Variants in DPP6 observed in about 807,000 individuals in gnomAD.
DPP6 encodes the protein dipeptidyl peptidase like 6.
Under a neutral mutation model 122.6 loss-of-function variants are expected in DPP6, and 69 were observed. That is an observed-to-expected ratio of 0.56 (90% CI 0.46 to 0.69). The LOEUF (loss-of-function observed/expected upper bound fraction) is 0.69. Among genes scored for constraint, DPP6 ranks in the 30% least tolerant of loss-of-function variants. The probability of loss-of-function intolerance (pLI) is 0.00; values close to 1 mark genes in which losing one functional copy is unlikely to be tolerated. For missense variants in DPP6, 928 were observed against 1,116.9 expected (o/e 0.83, Z 2.41); for synonymous variants, 418 against 433.1 (o/e 0.97, Z 0.43).
At chr7:154,223,030 C>T (rs924882411) in intron 1 of DPP6, among the ~76,000 whole-genome samples, 2 of 149,130 alleles carry the variant, frequency 1.3e-5, no homozygotes, top group Admixed American at 6.6e-5. Flanking sequence ...GGCTGTGGAA[C>T]CTGCATTGAA....
At chr7:154,382,469 T>C (rs1193741788) in intron 1 of DPP6, among the ~76,000 whole-genome samples, 1 of 152,268 alleles carries the variant, frequency 6.6e-6, no homozygotes, top group Non-Finnish European at 1.5e-5. Flanking sequence ...GCCTGGGAGA[T>C]ACGCCTATTC....
chr7:154,010,739 A>G lies in DPP6; in HGVS notation c.51+123005A>G, dbSNP rs115038701. ...ACTTGGGGAAATTTAGACTGAGATT[A>G]TTGAAGTGGCCTAGAGTTTGGAAAT... is the stretch of plus-strand genomic sequence containing the variant. On this transcript the variant is annotated intron_variant, in intron 1 of 25. Coordinates refer to the DPP6 transcript ENST00000404039. 4.8e-3 allele frequency among the ~76,000 whole-genome samples: 738 copies of G among 152,338 alleles called. 4 individuals are homozygous for G. The highest frequency in any genetic ancestry group is 0.017 in the African/African-American group (717 of 41,584).
At chr7:153,918,290 T>A (rs1563005179) in intron 1 of DPP6, among the ~76,000 whole-genome samples, 1 of 152,214 alleles carries the variant, frequency 6.6e-6, no homozygotes, top group Non-Finnish European at 1.5e-5. Flanking sequence ...AGATTTCTTA[T>A]TCATTCCTTA....
chr7:154,066,122 C>A (rs1802709234), intron 1 of DPP6, among the ~76,000 whole-genome samples: 1 of 146,178 alleles, frequency 6.8e-6, no homozygotes, highest in Non-Finnish European at 1.5e-5. Flanking sequence ...TGCAGTGATA[C>A]AAACTCAGCT....
intron 1 of DPP6, among the ~76,000 whole-genome samples, chr7:154,076,161 A>G (rs997477841): frequency 3.3e-5 from 5 of 152,042 alleles, no homozygotes; most frequent in Non-Finnish European, 7.4e-5. Context: ...TTTTTTTTTA[A>G]AAAAAAGGCT....
At chr7:154,642,630 A>C (rs888260827) in intron 6 of DPP6, among the ~76,000 whole-genome samples, 1 of 149,202 alleles carries the variant, frequency 6.7e-6, no homozygotes, top group African/African-American at 2.5e-5. Flanking sequence ...CCCACCTCAT[A>C]GGCTTGTTAG....
intron 7 of DPP6, among the ~76,000 whole-genome samples, chr7:154,688,697 A>G (rs1222070846): frequency 6.6e-6 from 1 of 152,070 alleles, no homozygotes; most frequent in South Asian, 2.1e-4. Flanking sequence ...GGTTTGGCCC[A>G]TCTCTCTTTT....
intron 1 of DPP6, among the ~76,000 whole-genome samples, chr7:153,997,126 A>G (rs1199385304): frequency 6.6e-6 from 1 of 152,058 alleles, no homozygotes; most frequent in Non-Finnish European, 1.5e-5. Flanking sequence ...TGCAACCACC[A>G]TGGCAATGAA....
At chr7:154,477,020 G>A (rs56023097) in intron 3 of DPP6, among the ~76,000 whole-genome samples, 55,986 of 151,714 alleles carry the variant, frequency 0.37, 10,982 homozygotes, top group African/African-American at 0.48. Flanking sequence ...TCCAGGCTGC[G>A]GTTAACTGTA....
Position 154,531,647 on chromosome 7 carries a change from T to C in DPP6, c.458-8885T>C, listed in dbSNP as rs144522805. On this transcript the variant is annotated intron_variant, in intron 3 of 25. Coordinates refer to ENST00000377770, the MANE Select transcript of DPP6 (RefSeq NM_130797.4). ...TAAATGCAAAAGACATTTTTTTCTT[T>C]TTGACTTTTTAATTTTAATTTCTTT... is the stretch of plus-strand genomic sequence containing the variant. Among the ~76,000 whole-genome samples the C allele has an allele frequency of 3.9e-3, 595 of 152,278 alleles. 19 individuals are homozygous for C. In the East Asian group the frequency reaches 0.078, roughly 20 times the overall value.
intron 1 of DPP6, among the ~76,000 whole-genome samples, chr7:154,204,682 G>A (rs1445718554): frequency 6.6e-6 from 1 of 152,090 alleles, no homozygotes; most frequent in African/African-American, 2.4e-5. Flanking sequence ...TTAAGTAGGG[G>A]GAAAGTGTAT....
chr7:153,800,212 A>G, the DPP6 span, among the ~76,000 whole-genome samples: 6 of 152,240 alleles, frequency 3.9e-5, no homozygotes, highest in Admixed American at 3.3e-4. Flanking sequence ...AATACCATAT[A>G]TATACACACA....
intron 1 of DPP6, among the ~76,000 whole-genome samples, chr7:154,042,518 G>A (rs947094040): frequency 8.5e-5 from 13 of 152,144 alleles, no homozygotes; most frequent in Non-Finnish European, 1.5e-4. Flanking sequence ...CAGTACAAAC[G>A]TAGGATTATT....
chr7:154,555,373 A>C (rs1829943384), intron 4 of DPP6, among the ~76,000 whole-genome samples: 1 of 152,066 alleles, frequency 6.6e-6, no homozygotes, highest in Non-Finnish European at 1.5e-5. Flanking sequence ...AGGACAAAAA[A>C]CCAAACACCA....
chr7:154,248,943 A>C (rs917541684), intron 1 of DPP6, among the ~76,000 whole-genome samples: 1 of 152,226 alleles, frequency 6.6e-6, no homozygotes, highest in Admixed American at 6.5e-5. Context: ...TTTTACTTCA[A>C]GGAAAGAAAA....
At chr7:154,860,049 C>CCTACT (rs1322810133) in intron 17 of DPP6, among the ~76,000 whole-genome samples, 8 of 152,212 alleles carry the variant, frequency 5.3e-5, no homozygotes, top group African/African-American at 1.9e-4. Flanking sequence ...TTCTCTACCT[C>CCTACT]CTACTCTCTT....
intron 1 of DPP6, among the ~76,000 whole-genome samples, chr7:154,213,802 A>G (rs1799859119): frequency 6.6e-6 from 1 of 152,070 alleles, no homozygotes; most frequent in Non-Finnish European, 1.5e-5. Context: ...GTCCCTTGAG[A>G]CAAATGCATT....
intron 20 of DPP6, 31 bp downstream of exon 20, chr7:154,876,131 C>CG: frequency 1.3e-6 from 2 of 1,535,742 alleles, no homozygotes; most frequent in Non-Finnish European, 1.7e-6. Context: ...CAGGAGAGGC[C>CG]GGGAGGGGAC....
the DPP6 span, among the ~76,000 whole-genome samples, chr7:153,833,054 A>G: frequency 6.6e-6 from 1 of 152,234 alleles, no homozygotes; most frequent in Non-Finnish European, 1.5e-5. Flanking sequence ...CTTAGCACTC[A>G]TCTTCAACAT....
Sources: gnomAD v4.1 joint callset for allele counts (sites outside exome capture counted in the v4.1 genomes callset) on GRCh38, gnomAD v4.1.1 for gene constraint, MANE v1.5 for transcripts, NCBI Gene and HGNC (gene_info 2026-07-23, HGNC 2026-07-21) for gene names.